NRXN3: variants seen among roughly 807,000 people sequenced by gnomAD.
The protein encoded by NRXN3 is neurexin III.
Under a neutral mutation model 137.6 loss-of-function variants are expected in NRXN3, and 32 were observed. That is an observed-to-expected ratio of 0.23 (90% confidence interval 0.18 to 0.31). The LOEUF (loss-of-function observed/expected upper bound fraction) is 0.31. Among genes scored for constraint, NRXN3 ranks in the 10% least tolerant of loss-of-function variants. The pLI is 1.00. For synonymous variants in NRXN3, 798 were observed against 784.5 expected (o/e 1.02, Z -0.29); for missense variants, 1,574 against 2,062.5 (o/e 0.76, Z 4.59).
intron 19 of NRXN3, among the ~76,000 whole-genome samples, chr14:79,764,549 T>A (rs1437473727): frequency 6.6e-6 from 1 of 152,190 alleles, no homozygotes; most frequent in East Asian, 1.9e-4. Flanking sequence ...AGGGAGGGAA[T>A]CCACTGCAGC....
chr14:79,735,917 C>T (rs979523775), intron 19 of NRXN3, among the ~76,000 whole-genome samples: 2 of 152,156 alleles, frequency 1.3e-5, no homozygotes, highest in Admixed American at 6.5e-5. Context: ...AAATTAGTCA[C>T]ACATAATTGG....
intron 15 of NRXN3, among the ~76,000 whole-genome samples, chr14:79,404,867 A>G (rs1177827639): frequency 6.6e-6 from 1 of 152,194 alleles, no homozygotes; most frequent in Non-Finnish European, 1.5e-5. Context: ...CTGCCCTGGC[A>G]GATATGCATA....
At chr14:79,598,791 T>C (rs2097890354) in intron 16 of NRXN3, among the ~76,000 whole-genome samples, 1 of 152,184 alleles carries the variant, frequency 6.6e-6, no homozygotes, top group Admixed American at 6.5e-5. Flanking sequence ...CTTTTGAAGG[T>C]ACAGTGACTC....
At chr14:79,128,526 C>T (rs1454325435) in intron 15 of NRXN3, among the ~76,000 whole-genome samples, 1 of 151,216 alleles carries the variant, frequency 6.6e-6, no homozygotes, top group Non-Finnish European at 1.5e-5. Flanking sequence ...AGGGATGAAG[C>T]CCACTTGATC....
At chr14:78,303,087 A>T (rs1181908585) in intron 4 of NRXN3, among the ~76,000 whole-genome samples, 1 of 152,136 alleles carries the variant, frequency 6.6e-6, no homozygotes, top group Non-Finnish European at 1.5e-5. Flanking sequence ...TCCTCTGTTA[A>T]GCTTAACTAC....
intron 15 of NRXN3, chr14:78,988,400 T>C: frequency 2.3e-6 from 1 of 444,324 alleles, no homozygotes; most frequent in Non-Finnish European, 4.1e-6. Flanking sequence ...TGAGAAACAA[T>C]AACCACAGCA....
intron 19 of NRXN3, among the ~76,000 whole-genome samples, chr14:79,772,916 C>G (rs1318491879): frequency 6.6e-6 from 1 of 152,032 alleles, no homozygotes; most frequent in Non-Finnish European, 1.5e-5. Flanking sequence ...ACAATGAACT[C>G]AAACAAATTT....
intron 19 of NRXN3, among the ~76,000 whole-genome samples, chr14:79,755,706 C>G (rs2099017109): frequency 6.6e-6 from 1 of 152,202 alleles, no homozygotes; most frequent in Non-Finnish European, 1.5e-5. Flanking sequence ...TTGCATGGCT[C>G]TGTGTAGCTT....
intron 19 of NRXN3, among the ~76,000 whole-genome samples, chr14:79,753,190 T>C (rs2099004858): frequency 6.6e-6 from 1 of 151,922 alleles, no homozygotes; most frequent in Non-Finnish European, 1.5e-5. Flanking sequence ...GAACTAGAAA[T>C]ACCATTTGAC....
intron 4 of NRXN3, among the ~76,000 whole-genome samples, chr14:78,621,058 A>G (rs1466403631): frequency 6.6e-6 from 1 of 152,212 alleles, no homozygotes; most frequent in Non-Finnish European, 1.5e-5. Context: ...TGGGGTAAGA[A>G]AGAATATGGG....
intron 8 of NRXN3, among the ~76,000 whole-genome samples, chr14:78,727,148 T>A (rs1204251693): frequency 2.6e-5 from 4 of 152,130 alleles, no homozygotes; most frequent in East Asian, 1.9e-4. Flanking sequence ...ATTAACCAGT[T>A]CTCACCTATT....
At chr14:79,399,795 C>A (rs1030416034) in intron 15 of NRXN3, among the ~76,000 whole-genome samples, 1 of 152,150 alleles carries the variant, frequency 6.6e-6, no homozygotes, top group Admixed American at 6.6e-5. Context: ...CAGTTTCTCC[C>A]AGTTCGGGAG....
At chr14:79,425,677 C>T (rs1002721002) in intron 15 of NRXN3, among the ~76,000 whole-genome samples, 2 of 152,228 alleles carry the variant, frequency 1.3e-5, no homozygotes, top group African/African-American at 4.8e-5. Flanking sequence ...CAATACCAAC[C>T]GAGGTCTTCT....
intron 4 of NRXN3, among the ~76,000 whole-genome samples, chr14:78,299,988 T>C (rs956126487): frequency 2.0e-5 from 3 of 152,220 alleles, no homozygotes; most frequent in Non-Finnish European, 2.9e-5. Flanking sequence ...CCTTTCATTC[T>C]TTCCATTTCC....
At chr14:79,853,662 C>T in intron 20 of NRXN3, 1 of 1,308,862 alleles carries the variant, frequency 7.6e-7, no homozygotes, top group African/African-American at 1.5e-5. Flanking sequence ...TGACCCTCCC[C>T]TTCCTGCATC....
Position 78,506,680 on chromosome 14 carries a change from TG to T in NRXN3, c.758-138435del, listed in dbSNP as rs1267211532. ...TTTTTTTTTTTTTTTTTTTAGGAGATGGGGGTCTCACTATGTTGTACAGGCT... is the reference window on the plus strand; with the variant it reads ...TTTTTTTTTTTTTTTTTTTAGGAGATGGGGTCTCACTATGTTGTACAGGCT... On this transcript the variant is annotated intron_variant, in intron 4 of 20. Transcript: ENST00000335750. 2.3e-5 allele frequency among the ~76,000 whole-genome samples: 3 copies of T among 128,472 alleles called. No individual in the cohort carries two copies. In the East Asian group the frequency reaches 7.3e-4, roughly 31 times the overall value. 84.3% of individuals were successfully genotyped at this position (128,472 alleles called of 152,430 possible).
At chr14:79,388,363 A>C (rs2094715547) in intron 15 of NRXN3, among the ~76,000 whole-genome samples, 1 of 152,028 alleles carries the variant, frequency 6.6e-6, no homozygotes, top group Non-Finnish European at 1.5e-5. Context: ...GGCCTAACAC[A>C]GTGGCTTTTT....
In NRXN3 at chr14:79,373,423, A is replaced by G. The variant is rs1465067195; in HGVS notation, c.3263-93798A>G. Among the ~76,000 whole-genome samples, 7 of 152,342 alleles carry G rather than the reference A, an allele frequency of 4.6e-5. No homozygotes were observed. In the South Asian group the frequency reaches 1.0e-3, roughly 23 times the overall value. On this transcript the variant is annotated intron_variant, in intron 15 of 20. Transcript: ENST00000335750. ...TAATTGTAAGAAGTGTGGCAAAATGATAAAAATAAACTCAGTATTTGTTAA... is the reference window on the plus strand; with the variant it reads ...TAATTGTAAGAAGTGTGGCAAAATGGTAAAAATAAACTCAGTATTTGTTAA...
At chr14:79,775,881 TAAG>T in intron 19 of NRXN3, among the ~76,000 whole-genome samples, 1 of 152,154 alleles carries the variant, frequency 6.6e-6, no homozygotes, top group Non-Finnish European at 1.5e-5. Flanking sequence ...TGATAGTTGG[TAAG>T]GATCAAACAA....
Sources: allele counts gnomAD v4.1 joint callset (sites outside exome capture counted in the v4.1 genomes callset), GRCh38; gene constraint gnomAD v4.1.1; transcripts MANE v1.5; gene names NCBI Gene and HGNC (gene_info 2026-07-23, HGNC 2026-07-21).